The following CDK17 variants were observed in gnomAD, a reference collection of about 807,000 sequenced individuals.
The protein encoded by CDK17 is cyclin dependent kinase 17.
In CDK17, 24 loss-of-function variants were observed where a neutral mutation model predicts 77.6. The ratio of observed to expected loss-of-function variants is 0.31; its 90% CI spans 0.22 to 0.44. The LOEUF (loss-of-function observed/expected upper bound fraction) is 0.44, where lower values mean the gene tolerates loss of function less well. Among genes scored for constraint, CDK17 ranks in the 20% least tolerant of loss-of-function variants. The pLI is 1.00. For missense variants in CDK17, 429 were observed against 622.5 expected (o/e 0.69, Z 3.31); for synonymous variants, 203 against 210.4 (o/e 0.96, Z 0.30).
chr12:96,358,872 G>A (rs915953247), intron 1 of CDK17, among the ~76,000 whole-genome samples: 4 of 102,586 alleles, frequency 3.9e-5, no homozygotes, highest in Admixed American at 1.5e-4. Context: ...CCCAAAAAAG[G>A]GATATATGGC....
In CDK17 at chr12:96,324,026, G is replaced by C. The variant is rs1275556126; in HGVS notation, c.205C>G (p.Pro69Ala). The C allele has an allele frequency of 8.7e-6, 14 of 1,612,274 alleles. No individual in the cohort carries two copies. Among genetic ancestry groups the C allele is most frequent in the Non-Finnish European group, 1.2e-5 (14 of 1,179,186 alleles). ...ATAACACTGTGTGGTCTCCGCAATG[G>C]GGGCTTCTTGAAAGATCCTGTGTAC... ...HQYTGSFKKP[P>A]LRRPHSVIGG... is the part of the protein sequence containing the mutation. The change falls in exon 3 of 17, where the codon CCA becomes GCA. Residue 69 changes from proline (P) to alanine (A), a missense_variant. Physicochemically the swap from Pro to Ala is conservative, Grantham distance 27 (BLOSUM62 -1). Coordinates refer to ENST00000261211, the MANE Select transcript of CDK17 (RefSeq NM_002595.5).
Position 96,386,273 on chromosome 12 carries a change from G to A in CDK17, c.-30+13713C>T, listed in dbSNP as rs77549860. On this transcript the variant is annotated intron_variant, in intron 1 of 16. Transcript: ENST00000261211. ...AGCCTCCCAAAGTGCTGGGATTACAGACGTGAGCCACTGCACCCAGGTAGA... is the reference window on the plus strand; with the variant it reads ...AGCCTCCCAAAGTGCTGGGATTACAAACGTGAGCCACTGCACCCAGGTAGA... Among the ~76,000 whole-genome samples the A allele has an allele frequency of 4.1e-3, 619 of 152,328 alleles. 4 individuals carry two copies. Among genetic ancestry groups the A allele is most frequent in the African/African-American group, 0.014 (591 of 41,572 alleles).
chr12:96,350,124 C>T (rs1240711129), intron 1 of CDK17, among the ~76,000 whole-genome samples: 1 of 151,864 alleles, frequency 6.6e-6, no homozygotes, highest in Non-Finnish European at 1.5e-5. Flanking sequence ...ATTAAAGAAA[C>T]CTAAATAAAT....
intron 1 of CDK17, among the ~76,000 whole-genome samples, chr12:96,352,511 G>A (rs1953327371): frequency 6.6e-6 from 1 of 152,138 alleles, no homozygotes; most frequent in Admixed American, 6.5e-5. Flanking sequence ...TATAAAGGAT[G>A]GCGAGATTGC....
chr12:96,385,282 C>A (rs1177211492), intron 1 of CDK17, among the ~76,000 whole-genome samples: 2 of 152,002 alleles, frequency 1.3e-5, no homozygotes, highest in Non-Finnish European at 2.9e-5. Flanking sequence ...CCACTGCACT[C>A]CAGCCTGGGC....
chr12:96,353,444 T>C (rs984895252), intron 1 of CDK17, among the ~76,000 whole-genome samples: 1 of 152,164 alleles, frequency 6.6e-6, no homozygotes, highest in Non-Finnish European at 1.5e-5. Flanking sequence ...ACATTTTACT[T>C]CTTCATCAAG....
intron 1 of CDK17, among the ~76,000 whole-genome samples, chr12:96,380,240 C>CA (rs1411392785): frequency 2.7e-5 from 4 of 147,788 alleles, no homozygotes; most frequent in Non-Finnish European, 4.5e-5. Context: ...TGAGGTGAAC[C>CA]AAAAAATTAC....
At chr12:96,291,668 TCATGCAGTGG>T (rs1952326671) in intron 10 of CDK17, among the ~76,000 whole-genome samples, 1 of 147,960 alleles carries the variant, frequency 6.8e-6, no homozygotes, top group African/African-American at 2.5e-5. Flanking sequence ...TCTCGCTCTG[TCATGCAGTGG>T]CATGATCTTG....
intron 3 of CDK17, among the ~76,000 whole-genome samples, chr12:96,319,902 C>T (rs1452460359): frequency 6.8e-6 from 1 of 147,066 alleles, no homozygotes; most frequent in African/African-American, 2.6e-5. Flanking sequence ...GACAGGGATG[C>T]CTTCTCTCAC....
chr12:96,318,203 G>A (rs1341999288), intron 3 of CDK17, among the ~76,000 whole-genome samples: 1 of 151,394 alleles, frequency 6.6e-6, no homozygotes, highest in Non-Finnish European at 1.5e-5. Flanking sequence ...AGACAAAGAA[G>A]GCCATTACAT....
intron 1 of CDK17, among the ~76,000 whole-genome samples, chr12:96,345,022 CCT>C (rs1393968554): frequency 1.3e-5 from 2 of 152,142 alleles, no homozygotes; most frequent in African/African-American, 4.8e-5. Flanking sequence ...TGTTTCCCTC[CCT>C]GTTTCCATAT....
rs11369777 is a variant in CDK17, at chr12:96,353,605, C to CGGGGGGG, written c.-29-18747_-29-18741dup. On this transcript the variant is annotated intron_variant, in intron 1 of 16. Coordinates refer to ENST00000261211, the MANE Select transcript of CDK17 (RefSeq NM_002595.5). Reference sequence around the variant, plus strand: ...AATGTCAACAGAGTTTAAAAGGTGGCGGGGGGGGGCGCGGGTACAAATATT... The same window carrying CGGGGGGG: ...AATGTCAACAGAGTTTAAAAGGTGGCGGGGGGGGGGGGGGGGCGCGGGTACAAATATT... Among the ~76,000 whole-genome samples, 17 of 140,898 alleles carry CGGGGGGG rather than the reference C, an allele frequency of 1.2e-4. No individual in the cohort carries two copies. In the South Asian group the frequency reaches 1.4e-3, roughly 12 times the overall value. The allele number at this position is 140,898 out of a possible 152,430, so 92.4% of individuals were successfully genotyped here.
chr12:96,284,034 C>G (rs1442459342), intron 13 of CDK17, among the ~76,000 whole-genome samples: 3 of 152,208 alleles, frequency 2.0e-5, no homozygotes, highest in Admixed American at 2.0e-4. Flanking sequence ...AAAACAGAGA[C>G]AAGTGACCCC....
At chr12:96,366,128 T>C (rs1953579336) in intron 1 of CDK17, among the ~76,000 whole-genome samples, 1 of 152,202 alleles carries the variant, frequency 6.6e-6, no homozygotes, top group African/African-American at 2.4e-5. Flanking sequence ...CCAAAAAGCC[T>C]CTAGCAAATA....
chr12:96,278,654 CAGTT>C lies in CDK17; in HGVS notation c.*1584_*1587del, dbSNP rs992679117. 5 of 152,510 alleles carry C rather than the reference CAGTT, an allele frequency of 3.3e-5. No homozygotes were observed. The highest frequency in any genetic ancestry group is 7.2e-5 in the African/African-American group (3 of 41,436). 9.4% of individuals were successfully genotyped at this position (152,510 alleles called of 1,614,324 possible). A position where few individuals can be genotyped will look rare whatever the true frequency, so the allele number is the denominator to read the frequency against. ...AAGTACAATATTAATACATGTCTGT[CAGTT>C]AGAAAGAACAGCAGTTTGTTAGGCT... On this transcript the variant is annotated 3_prime_UTR_variant, in exon 17 of 17. Coordinates refer to ENST00000261211, the MANE Select transcript of CDK17 (RefSeq NM_002595.5).
At chr12:96,354,861 G>C (rs900225224) in intron 1 of CDK17, among the ~76,000 whole-genome samples, 2 of 152,098 alleles carry the variant, frequency 1.3e-5, no homozygotes, top group Non-Finnish European at 2.9e-5. Flanking sequence ...TCCAGCCTGG[G>C]AATCAGAGTG....
chr12:96,312,327 C>A (rs1952654917), intron 4 of CDK17, among the ~76,000 whole-genome samples: 2 of 151,892 alleles, frequency 1.3e-5, no homozygotes, highest in South Asian at 4.2e-4. Flanking sequence ...CTAGAGCATG[C>A]CTCCTTGGTG....
At chr12:96,295,734 A>G (rs1355120421) in intron 9 of CDK17, among the ~76,000 whole-genome samples, 1 of 152,190 alleles carries the variant, frequency 6.6e-6, no homozygotes, top group African/African-American at 2.4e-5. Flanking sequence ...CCTCCTACTT[A>G]GCCTTCAAAA....
chr12:96,291,018 G>A (rs1002526354), intron 10 of CDK17, among the ~76,000 whole-genome samples: 19 of 151,506 alleles, frequency 1.3e-4, no homozygotes, highest in African/African-American at 3.2e-4. Flanking sequence ...TTCACTGATC[G>A]TGGGAAAAGG....
Sources: gnomAD v4.1 joint callset for allele counts (sites outside exome capture counted in the v4.1 genomes callset) on GRCh38, gnomAD v4.1.1 for gene constraint, MANE v1.5 for transcripts, NCBI Gene and HGNC (gene_info 2026-07-23, HGNC 2026-07-21) for gene names.